CAMK2D: variants seen among roughly 807,000 people sequenced by gnomAD.
CAMK2D encodes calcium/calmodulin-dependent protein kinase type II subunit delta.
Under a neutral mutation model 84.0 loss-of-function variants are expected in CAMK2D, and 37 were observed. The observed-to-expected ratio is 0.44, with a 90% CI of 0.34 to 0.58. The LOEUF (loss-of-function observed/expected upper bound fraction) is 0.58. Among genes scored for constraint, CAMK2D ranks in the 20% least tolerant of loss-of-function variants. The probability of loss-of-function intolerance (pLI) is 0.02; values close to 1 mark genes in which losing one functional copy is unlikely to be tolerated. For synonymous variants in CAMK2D, 202 were observed against 212.5 expected (o/e 0.95, Z 0.43); for missense variants, 448 against 652.5 (o/e 0.69, Z 3.41).
chr4:113,486,895 T>C (rs570793275), intron 16 of CAMK2D, among the ~76,000 whole-genome samples: 119 of 152,324 alleles, frequency 7.8e-4, no homozygotes, highest in African/African-American at 2.8e-3. Context: ...TGAAACTCTC[T>C]CAATCATTTG....
chr4:113,460,069 G>C, intron 18 of CAMK2D, 78 bp downstream of exon 18: 2 of 839,048 alleles, frequency 2.4e-6, no homozygotes, highest in Non-Finnish European at 4.2e-6. Flanking sequence ...TTGTAGAAAA[G>C]AGCAAAATAA....
chr4:113,462,543 T>C (rs2097400657), intron 17 of CAMK2D, among the ~76,000 whole-genome samples: 1 of 152,108 alleles, frequency 6.6e-6, no homozygotes, highest in Non-Finnish European at 1.5e-5. Flanking sequence ...TTGGATTAGC[T>C]CTGGCTGGAA....
chr4:113,632,464 C>T (rs1592227381), intron 3 of CAMK2D, among the ~76,000 whole-genome samples: 1 of 151,952 alleles, frequency 6.6e-6, no homozygotes, highest in East Asian at 1.9e-4. Context: ...CTCAGGTGAT[C>T]CACCTGCCTC....
intron 2 of CAMK2D, among the ~76,000 whole-genome samples, chr4:113,671,760 A>T (rs1394221795): frequency 1.3e-5 from 2 of 152,232 alleles, no homozygotes; most frequent in African/African-American, 2.4e-5. Flanking sequence ...AACGATGTTG[A>T]CACACCAGAG....
At chr4:113,577,913 A>G (rs2098791440) in intron 4 of CAMK2D, among the ~76,000 whole-genome samples, 1 of 152,124 alleles carries the variant, frequency 6.6e-6, no homozygotes, top group Non-Finnish European at 1.5e-5. Context: ...CCCTTCCATA[A>G]ATAACATCAT....
intron 2 of CAMK2D, among the ~76,000 whole-genome samples, chr4:113,696,023 T>C (rs2099401555): frequency 1.3e-5 from 2 of 152,078 alleles, no homozygotes; most frequent in African/African-American, 4.8e-5. Context: ...CTCAGGACCT[T>C]TGCACCTCCT....
At chr4:113,572,254 T>C (rs901475786) in intron 4 of CAMK2D, among the ~76,000 whole-genome samples, 49 of 152,158 alleles carry the variant, frequency 3.2e-4, no homozygotes, top group African/African-American at 1.2e-3. Flanking sequence ...AAGGGAAAAG[T>C]ACCTAGAAAC....
At chr4:113,516,347 G>A (rs1048625305) in intron 9 of CAMK2D, among the ~76,000 whole-genome samples, 4 of 152,152 alleles carry the variant, frequency 2.6e-5, no homozygotes, top group Non-Finnish European at 5.9e-5. Context: ...CAGGTCTTCT[G>A]ATAGCAAATG....
At chr4:113,518,089 G>A (rs897698759) in intron 8 of CAMK2D, among the ~76,000 whole-genome samples, 3 of 152,162 alleles carry the variant, frequency 2.0e-5, no homozygotes, top group African/African-American at 7.2e-5. Context: ...GGGACATTTT[G>A]TTGAGTGATG....
chr4:113,599,873 T>C (rs1272260135), intron 4 of CAMK2D, among the ~76,000 whole-genome samples: 5 of 151,774 alleles, frequency 3.3e-5, no homozygotes, highest in Non-Finnish European at 7.4e-5. Context: ...TTGAGAAGAC[T>C]GAAGAGGAGG....
chr4:113,632,156 C>T (rs1382634605), intron 3 of CAMK2D, among the ~76,000 whole-genome samples: 1 of 152,122 alleles, frequency 6.6e-6, no homozygotes, highest in Non-Finnish European at 1.5e-5. Context: ...AAACATTCTC[C>T]AAATCCAAAA....
At chr4:113,600,390 G>C (rs1179803262) in intron 4 of CAMK2D, among the ~76,000 whole-genome samples, 1 of 152,100 alleles carries the variant, frequency 6.6e-6, no homozygotes, top group Non-Finnish European at 1.5e-5. Context: ...GTAGGAGGTG[G>C]TAAACTTGTA....
intron 3 of CAMK2D, among the ~76,000 whole-genome samples, chr4:113,625,234 C>T (rs1194171021): frequency 2.6e-5 from 4 of 152,048 alleles, no homozygotes; most frequent in Non-Finnish European, 4.4e-5. Flanking sequence ...TATTGAGTTC[C>T]TACACTGGGC....
intron 1 of CAMK2D, among the ~76,000 whole-genome samples, chr4:113,759,887 T>A (rs1485896054): frequency 6.6e-6 from 1 of 152,194 alleles, no homozygotes; most frequent in Non-Finnish European, 1.5e-5. Context: ...GTTTAACAAA[T>A]CCTGGTATGG....
intron 6 of CAMK2D, among the ~76,000 whole-genome samples, chr4:113,539,973 T>C (rs1368212370): frequency 1.3e-5 from 2 of 152,150 alleles, no homozygotes; most frequent in Non-Finnish European, 2.9e-5. Flanking sequence ...CATCACAAGA[T>C]TGCTTTAAAG....
At chr4:113,650,186 A>G (rs893748156) in intron 3 of CAMK2D, among the ~76,000 whole-genome samples, 1 of 152,034 alleles carries the variant, frequency 6.6e-6, no homozygotes, top group Admixed American at 6.6e-5. Flanking sequence ...CTTTAATTCC[A>G]ATATCAAATG....
chr4:113,625,787 G>A (rs2099065402), intron 3 of CAMK2D, among the ~76,000 whole-genome samples: 1 of 152,056 alleles, frequency 6.6e-6, no homozygotes, highest in Admixed American at 6.6e-5. Flanking sequence ...AGGGTGATAT[G>A]CTCTGCTTGT....
intron 12 of CAMK2D, among the ~76,000 whole-genome samples, chr4:113,510,608 C>G (rs939139805): frequency 1.3e-5 from 2 of 152,018 alleles, no homozygotes; most frequent in Non-Finnish European, 2.9e-5. Flanking sequence ...ATTAGTACAC[C>G]AAGTGTAGAA....
At chr4:113,485,943 C>T (rs2097762024) in intron 16 of CAMK2D, among the ~76,000 whole-genome samples, 1 of 152,120 alleles carries the variant, frequency 6.6e-6, no homozygotes, top group Non-Finnish European at 1.5e-5. Flanking sequence ...ACCTTCTTCA[C>T]CTGGTTAATA....
Sources: gnomAD v4.1 joint callset for allele counts (sites outside exome capture counted in the v4.1 genomes callset) on GRCh38, gnomAD v4.1.1 for gene constraint, MANE v1.5 for transcripts, NCBI Gene and HGNC (gene_info 2026-07-23, HGNC 2026-07-21) for gene names.